AGO1: variants seen among roughly 807,000 people sequenced by gnomAD.
AGO1 encodes protein argonaute-1.
A neutral mutation model predicts 109.2 loss-of-function variants in AGO1; 11 were observed. The observed-to-expected ratio is 0.10, with a 90% CI of 0.06 to 0.17. The LOEUF (loss-of-function observed/expected upper bound fraction) is 0.17, where lower values mean the gene tolerates loss of function less well. AGO1 is among the 10% of genes least tolerant of loss of function. AGO1 has a pLI of 1.00. For synonymous variants in AGO1, 422 were observed against 418.6 expected (o/e 1.01, Z -0.10); for missense variants, 574 against 1,140.3 (o/e 0.50, Z 7.15).
At chr1:35,887,310 G>A (rs1358398397) in intron 1 of AGO1, among the ~76,000 whole-genome samples, 1 of 152,156 alleles carries the variant, frequency 6.6e-6, no homozygotes, top group Non-Finnish European at 1.5e-5. Flanking sequence ...TTCTGGGCTG[G>A]TTTATCCCTC....
intron 11 of AGO1, among the ~76,000 whole-genome samples, chr1:35,903,183 T>C (rs1436874194): frequency 2.6e-5 from 4 of 151,946 alleles, no homozygotes; most frequent in African/African-American, 9.6e-5. Flanking sequence ...ATTTTTTGTA[T>C]TTTTAGTAGA....
In AGO1 at chr1:35,894,145, G is replaced by A. The variant is rs1645273962; in HGVS notation, c.758G>A (p.Arg253His). 1.3e-6 allele frequency: 2 copies of A among 1,579,458 alleles called. No homozygotes were observed. The highest frequency in any genetic ancestry group is 1.7e-6 in the Non-Finnish European group (2 of 1,163,184). ...CCCAAGCCCCTCACGGACTCTCAGCGCGTTCGCTTCACCAAGGAGATCAAG... is the reference window on the plus strand; with the variant it reads ...CCCAAGCCCCTCACGGACTCTCAGCACGTTCGCTTCACCAAGGAGATCAAG... The part of the protein sequence containing the change: ...EQPKPLTDSQ[R>H]VRFTKEIKGL... Residue 253 changes from arginine to histidine, a missense_variant, in exon 6 of 19, where the codon CGC becomes CAC. Around this residue, in one of 8 missense-constraint regions of AGO1, gnomAD observed 129 missense variants for 243.0 expected, o/e 0.53. Transcript: ENST00000373204.
Position 35,888,369 on chromosome 1 carries a change from G to A in AGO1, c.26-58G>A. 6.4e-7 allele frequency: 1 copy of A among 1,572,166 alleles called. No individual in the cohort carries two copies. ...TTCTGGGAGGCCTTGTTCCTCCTCTGATAAGAGTAGTTAGGAGATTGCCAG... is the reference window on the plus strand; with the variant it reads ...TTCTGGGAGGCCTTGTTCCTCCTCTAATAAGAGTAGTTAGGAGATTGCCAG... On this transcript the variant is annotated intron_variant, in intron 1 of 18. Coordinates refer to ENST00000373204, the MANE Select transcript of AGO1 (RefSeq NM_012199.5). This position sits in a 1 kb window ranked among gnomAD's most constrained non-coding sequence, Gnocchi z 4.1.
rs1645878407 is a variant in AGO1, at chr1:35,923,933, A to G, written c.*4326A>G. The G allele has an allele frequency of 6.6e-6, 1 of 152,664 alleles. No individual in the cohort carries two copies. Among genetic ancestry groups the G allele is most frequent in the Admixed American group, 6.5e-5 (1 of 15,288 alleles). The allele number at this position is 152,664 out of a possible 1,614,324, so 9.5% of individuals were successfully genotyped here. On this transcript the variant is annotated 3_prime_UTR_variant, in exon 19 of 19. Transcript: ENST00000373204. ...CTTGGTGTAGTAGCAATAAGGAAAAATGAAATTACTTTCCTGTGCACACAG... is the reference window on the plus strand; with the variant it reads ...CTTGGTGTAGTAGCAATAAGGAAAAGTGAAATTACTTTCCTGTGCACACAG...
Position 35,901,819 on chromosome 1 carries a change from TTCTC to T in AGO1, c.1141-123_1141-120del. On this transcript the variant is annotated intron_variant, in intron 9 of 18. Coordinates refer to ENST00000373204, the MANE Select transcript of AGO1 (RefSeq NM_012199.5). This position sits in a 1 kb window ranked among gnomAD's most constrained non-coding sequence, Gnocchi z 4.8. ...TCCCTCACTTCCCTCATCTTCCACT[TTCTC>T]TCTCTTTTTAGGACTATTCCGTACC... 1 of 1,393,972 alleles carries T rather than the reference TTCTC, an allele frequency of 7.2e-7. No homozygotes were observed. Among genetic ancestry groups the T allele is most frequent in the South Asian group, 1.4e-5 (1 of 70,390 alleles). 86.4% of individuals were successfully genotyped at this position (1,393,972 alleles called of 1,614,324 possible). A position where few individuals can be genotyped will look rare whatever the true frequency, so the allele number is the denominator to read the frequency against.
chr1:35,912,556 TTTTTA>T (rs1230470082), intron 12 of AGO1, among the ~76,000 whole-genome samples: 5 of 151,952 alleles, frequency 3.3e-5, no homozygotes, highest in African/African-American at 1.2e-4. Flanking sequence ...TTATGGCCTA[TTTTTA>T]TTTTATTTTA....
chr1:35,875,225 C>T (rs116287335), intron 1 of AGO1, among the ~76,000 whole-genome samples: 2,234 of 152,284 alleles, frequency 0.015, 58 homozygotes, highest in African/African-American at 0.05. Context: ...CTTCAAAGCA[C>T]AGGCTAACTC....
chr1:35,898,490 C>T (rs1422383807), intron 8 of AGO1, among the ~76,000 whole-genome samples: 1 of 152,124 alleles, frequency 6.6e-6, no homozygotes, highest in Non-Finnish European at 1.5e-5. Context: ...TCTCCTGACT[C>T]ATGATCCGCC....
At position 35,883,665 on chromosome 1, in the gene AGO1, T is replaced by C. The variant is rs971977689; in HGVS notation, c.25+219T>C. ...GTTTGTCCAAGGAGGCTGTATACAG[T>C]CCTGCGGGTTGGAAGTAATCTGGGA... On this transcript the variant is annotated intron_variant, in intron 1 of 18. Coordinates refer to ENST00000373204, the MANE Select transcript of AGO1 (RefSeq NM_012199.5). This position sits in a 1 kb window ranked among gnomAD's most constrained non-coding sequence, Gnocchi z 5.4. Among the ~76,000 whole-genome samples the C allele has an allele frequency of 6.6e-6, 1 of 152,104 alleles. No individual in the cohort carries two copies. Among genetic ancestry groups the C allele is most frequent in the Non-Finnish European group, 1.5e-5 (1 of 68,018 alleles).
chr1:35,902,865 T>C (rs1022020329), intron 11 of AGO1, among the ~76,000 whole-genome samples: 2 of 152,174 alleles, frequency 1.3e-5, no homozygotes, highest in Non-Finnish European at 2.9e-5. Flanking sequence ...AGCAGCTTGT[T>C]TAGCTGGTTG....
chr1:35,884,069 G>C (rs1207202140), intron 1 of AGO1, among the ~76,000 whole-genome samples: 1 of 152,130 alleles, frequency 6.6e-6, no homozygotes, highest in Non-Finnish European at 1.5e-5. Flanking sequence ...GTGGCTGTCC[G>C]AATACCCCCA....
At chr1:35,908,259 G>T (rs529461383) in intron 12 of AGO1, among the ~76,000 whole-genome samples, 3 of 152,138 alleles carry the variant, frequency 2.0e-5, no homozygotes, top group Admixed American at 2.0e-4. Flanking sequence ...TTTCTCAGTT[G>T]TCCTCTTGAC....
chr1:35,870,604 T>C (rs141091745), intron 1 of AGO1, among the ~76,000 whole-genome samples: 1 of 152,150 alleles, frequency 6.6e-6, no homozygotes, highest in East Asian at 1.9e-4. Context: ...TAAAGGAGAG[T>C]ATTTGAACAG....
At chr1:35,885,026 C>T (rs998700147) in intron 1 of AGO1, among the ~76,000 whole-genome samples, 4 of 140,168 alleles carry the variant, frequency 2.9e-5, no homozygotes, top group Non-Finnish European at 4.7e-5. Context: ...ATAGCTCCTA[C>T]GACCTCACTC....
chr1:35,871,869 A>G (rs987359532), intron 1 of AGO1, among the ~76,000 whole-genome samples: 1 of 151,878 alleles, frequency 6.6e-6, no homozygotes, highest in Admixed American at 6.6e-5. Context: ...GGAGATCGAG[A>G]CTATCTTGGC....
At position 35,907,605 on chromosome 1, in the gene AGO1, ACTTTT is replaced by A. The variant is rs573140016; in HGVS notation, c.1582+492_1582+496del. The stretch of plus-strand genomic sequence containing the variant: ...TGATTATATAAATTTCTGTCACAGC[ACTTTT>A]CTTTTATGCCATTTTCCGTCTCCAT... On this transcript the variant is annotated intron_variant, in intron 12 of 18. Coordinates refer to ENST00000373204, the MANE Select transcript of AGO1 (RefSeq NM_012199.5). 4.6e-5 allele frequency among the ~76,000 whole-genome samples: 7 copies of A among 152,144 alleles called. No individual in the cohort carries two copies. The East Asian group carries it at 1.2e-3, about 25-fold the overall frequency.
Position 35,901,851 on chromosome 1 carries a change from C to A in AGO1, c.1141-97C>A. 1 of 1,494,638 alleles carries A rather than the reference C, an allele frequency of 6.7e-7. No individual in the cohort carries two copies. The highest frequency in any genetic ancestry group is 9.0e-7 in the Non-Finnish European group (1 of 1,114,070). 92.6% of individuals were successfully genotyped at this position (1,494,638 alleles called of 1,614,324 possible). A position where few individuals can be genotyped will look rare whatever the true frequency, so the allele number is the denominator to read the frequency against. On this transcript the variant is annotated intron_variant, in intron 9 of 18. Coordinates refer to ENST00000373204, the MANE Select transcript of AGO1 (RefSeq NM_012199.5). This position sits in a 1 kb window ranked among gnomAD's most constrained non-coding sequence, Gnocchi z 4.8. ...TCTTTTTAGGACTATTCCGTACCAA[C>A]CCCAGCTTCTCCTTAGGGTTCTCTC... is the stretch of plus-strand genomic sequence containing the variant.
chr1:35,917,540 C>T, intron 15 of AGO1, 53 bp from the exon 16 acceptor site: 1 of 1,575,290 alleles, frequency 6.3e-7, no homozygotes, highest in Non-Finnish European at 8.7e-7. Flanking sequence ...GGTATGTGAA[C>T]TCAAGAGGAA....
At chr1:35,870,170 T>C (rs1644936141) in intron 1 of AGO1, among the ~76,000 whole-genome samples, 3 of 152,174 alleles carry the variant, frequency 2.0e-5, no homozygotes, top group Admixed American at 6.5e-5. Flanking sequence ...GGAGTCCATA[T>C]GTTTTTGTTG....
Sources: gnomAD v4.1 joint callset for allele counts (sites outside exome capture counted in the v4.1 genomes callset) on GRCh38, gnomAD v4.1.1 for gene constraint, gnomAD v4.1.1 regional missense constraint, Gnocchi (gnomAD v3.1) non-coding constraint, MANE v1.5 for transcripts, NCBI Gene and HGNC (gene_info 2026-07-23, HGNC 2026-07-21) for gene names.